SYNPR: variants seen among roughly 807,000 people sequenced by gnomAD.
SYNPR encodes synaptoporin.
In SYNPR, 23 loss-of-function variants were observed where a neutral mutation model predicts 32.9. The observed-to-expected ratio is 0.70, with a 90% CI of 0.50 to 0.99. The LOEUF is 0.99. Ranked by LOEUF, SYNPR falls within the 50% of genes least tolerant of loss-of-function variation. The probability of loss-of-function intolerance (pLI) is 0.00; values close to 1 mark genes in which losing one functional copy is unlikely to be tolerated. For synonymous variants in SYNPR, 146 were observed against 135.9 expected (o/e 1.07, Z -0.52); for missense variants, 318 against 349.3 (o/e 0.91, Z 0.71).
intron 2 of SYNPR, among the ~76,000 whole-genome samples, chr3:63,253,040 GAAAA>G (rs200342050): frequency 8.1e-6 from 1 of 124,030 alleles, no homozygotes. Context: ...CTCTGTCTCA[GAAAA>G]AAAAAAAAAA....
intron 4 of SYNPR, among the ~76,000 whole-genome samples, chr3:63,577,692 C>T (rs1467103895): frequency 6.6e-6 from 1 of 151,944 alleles, no homozygotes; most frequent in African/African-American, 2.4e-5. Context: ...AGTTGGAGGA[C>T]TTAGTAAGAA....
intron 2 of SYNPR, among the ~76,000 whole-genome samples, chr3:63,260,607 C>A (rs575479308): frequency 6.6e-6 from 1 of 152,262 alleles, no homozygotes; most frequent in South Asian, 2.1e-4. Flanking sequence ...AGATCTAAAA[C>A]CATAAAAACC....
rs959781311 is a variant in SYNPR, at chr3:63,510,944, TTG to T, written c.209+30000_209+30001del. 1.4e-4 allele frequency among the ~76,000 whole-genome samples: 21 copies of T among 147,220 alleles called. No individual in the cohort carries two copies. The East Asian group carries it at 2.0e-3, about 14-fold the overall frequency. On this transcript the variant is annotated intron_variant, in intron 3 of 5. Transcript: ENST00000478300. ...GTGTGTGTGTGTGTGTGCGCGCACG[TTG>T]TGTGTGTGTGTTTCATTTGTTCTGC...
chr3:63,322,507 C>T (rs940959795), intron 2 of SYNPR, among the ~76,000 whole-genome samples: 3 of 152,112 alleles, frequency 2.0e-5, no homozygotes, highest in Admixed American at 6.5e-5. Flanking sequence ...AAAATGTATA[C>T]GCTTGACCAC....
chr3:63,544,125 T>C (rs1702356718), intron 3 of SYNPR, among the ~76,000 whole-genome samples: 1 of 152,034 alleles, frequency 6.6e-6, no homozygotes, highest in African/African-American at 2.4e-5. Context: ...GAAAGATACC[T>C]GGTTGCTGTG....
chr3:63,433,586 T>A (rs2107148570), intron 2 of SYNPR, among the ~76,000 whole-genome samples: 1 of 152,290 alleles, frequency 6.6e-6, no homozygotes, highest in East Asian at 1.9e-4. Context: ...ATAACTGTAC[T>A]TAGTACTGCA....
At chr3:63,595,405 A>C (rs1699915543) in intron 4 of SYNPR, among the ~76,000 whole-genome samples, 1 of 151,806 alleles carries the variant, frequency 6.6e-6, no homozygotes, top group Non-Finnish European at 1.5e-5. Context: ...CAGCAGGTTT[A>C]AGCCATTTTG....
chr3:63,317,190 A>G (rs1443051401), intron 2 of SYNPR, among the ~76,000 whole-genome samples: 1 of 152,004 alleles, frequency 6.6e-6, no homozygotes, highest in Non-Finnish European at 1.5e-5. Flanking sequence ...TGCACTGTTG[A>G]ATAGAATGTG....
intron 2 of SYNPR, among the ~76,000 whole-genome samples, chr3:63,413,996 A>G (rs1359119339): frequency 6.6e-6 from 1 of 150,966 alleles, no homozygotes; most frequent in Non-Finnish European, 1.5e-5. Flanking sequence ...AAAAAAATAT[A>G]TAAATATATA....
rs533185906 is a variant in SYNPR, at chr3:63,595,916, T to C, written c.409-13209T>C. 2.0e-3 allele frequency among the ~76,000 whole-genome samples: 187 copies of C among 94,404 alleles called. 11 individuals carry two copies. The highest frequency in any genetic ancestry group is 6.7e-3 in the African/African-American group (176 of 26,228). The allele number at this position is 94,404 out of a possible 152,430, so 61.9% of individuals were successfully genotyped here. ...TTTTATATATATAGTTATATATATA[T>C]AGTTTTATATATATATAGTTTTATA... On this transcript the variant is annotated intron_variant, in intron 4 of 5. Coordinates refer to ENST00000478300, the MANE Select transcript of SYNPR (RefSeq NM_001130003.2).
intron 2 of SYNPR, among the ~76,000 whole-genome samples, chr3:63,372,460 A>C (rs772429179): frequency 2.0e-5 from 3 of 152,140 alleles, no homozygotes; most frequent in Non-Finnish European, 2.9e-5. Context: ...AGTAGCAAAG[A>C]CACTGGGTGC....
chr3:63,607,143 A>G (rs6782308), intron 4 of SYNPR, among the ~76,000 whole-genome samples: 74,872 of 151,960 alleles, frequency 0.49, 18,623 homozygotes, highest in Middle Eastern at 0.6. Context: ...AATGAAAACC[A>G]TCATACTATA....
chr3:63,396,571 C>T (rs1399772843), intron 2 of SYNPR, among the ~76,000 whole-genome samples: 1 of 152,140 alleles, frequency 6.6e-6, no homozygotes. Context: ...AAGAACACTC[C>T]TGGATAAATC....
At chr3:63,484,365 T>C (rs1701104906) in intron 3 of SYNPR, among the ~76,000 whole-genome samples, 1 of 152,180 alleles carries the variant, frequency 6.6e-6, no homozygotes, top group Non-Finnish European at 1.5e-5. Context: ...AGATTCCATA[T>C]TTTTGGTACT....
At chr3:63,527,413 C>T (rs1365363974) in intron 3 of SYNPR, among the ~76,000 whole-genome samples, 1 of 152,036 alleles carries the variant, frequency 6.6e-6, no homozygotes, top group Non-Finnish European at 1.5e-5. Flanking sequence ...ACTGTCCTGT[C>T]ATTCCCGTAA....
At position 63,544,217 on chromosome 3, in the gene SYNPR, T is replaced by C. The variant is rs539816114; in HGVS notation, c.210-12326T>C. Reference sequence around the variant, plus strand: ...AATCTCCCAGTCACCTGCAAAGCATTGGAGACACGGGTGACATTATATGTG... The same window carrying C: ...AATCTCCCAGTCACCTGCAAAGCATCGGAGACACGGGTGACATTATATGTG... On this transcript the variant is annotated intron_variant, in intron 3 of 5. Transcript: ENST00000478300. Among the ~76,000 whole-genome samples the C allele has an allele frequency of 2.7e-4, 41 of 152,192 alleles. No homozygotes were observed. The South Asian group carries it at 7.9e-3, about 29-fold the overall frequency.
Position 63,309,260 on chromosome 3 carries a change from C to A in SYNPR, c.84+30518C>A, listed in dbSNP as rs145609094. ...CTCACATTCTTGAACATCTGTAATACACTTACAGCTGTTTTCATGTCCTTG... is the reference window on the plus strand; with the variant it reads ...CTCACATTCTTGAACATCTGTAATAAACTTACAGCTGTTTTCATGTCCTTG... On this transcript the variant is annotated intron_variant, in intron 2 of 5. Transcript: ENST00000478300. Among the ~76,000 whole-genome samples the A allele has an allele frequency of 3.6e-3, 547 of 152,106 alleles. 2 individuals are homozygous for A. Among genetic ancestry groups the A allele is most frequent in the African/African-American group, 0.012 (480 of 41,540 alleles).
chr3:63,403,065 G>T (rs1336909036), intron 2 of SYNPR, among the ~76,000 whole-genome samples: 5 of 152,110 alleles, frequency 3.3e-5, no homozygotes, highest in Non-Finnish European at 7.4e-5. Flanking sequence ...ATATATTATT[G>T]TGTCAATAGT....
chr3:63,319,822 A>G (rs951664530), intron 2 of SYNPR, among the ~76,000 whole-genome samples: 1 of 152,054 alleles, frequency 6.6e-6, no homozygotes, highest in Non-Finnish European at 1.5e-5. Flanking sequence ...TACCAATTAG[A>G]AAGTACTATA....
Sources: gnomAD v4.1 joint callset for allele counts (sites outside exome capture counted in the v4.1 genomes callset) on GRCh38, gnomAD v4.1.1 for gene constraint, MANE v1.5 for transcripts, NCBI Gene and HGNC (gene_info 2026-07-23, HGNC 2026-07-21) for gene names.